The following RGS7 variants were observed in gnomAD, a reference collection of about 807,000 sequenced individuals.
The protein encoded by RGS7 is regulator of G-protein signaling 7.
RGS7 carries 27 observed loss-of-function variants against 81.1 expected under a neutral mutation model. That is an observed-to-expected ratio of 0.33 (90% CI 0.25 to 0.46). The LOEUF is 0.46. Among genes scored for constraint, RGS7 ranks in the 20% least tolerant of loss-of-function variants. The pLI, the probability that RGS7 is intolerant of heterozygous loss-of-function variation, is 1.00. For missense variants in RGS7, 396 were observed against 607.4 expected (o/e 0.65, Z 3.66); for synonymous variants, 208 against 207.7 (o/e 1.00, Z -0.01).
chr1:240,934,886 T>TTTTTTTTTTTTTTC (rs1676343622), intron 5 of RGS7, among the ~76,000 whole-genome samples: 1 of 110,532 alleles, frequency 9.0e-6, no homozygotes, highest in Non-Finnish European at 1.8e-5. Flanking sequence ...CTTTTTTTTT[T>TTTTTTTTTTTTTTC]TTTTTTTTTT....
At chr1:241,084,155 C>T (rs1303167415) in intron 3 of RGS7, among the ~76,000 whole-genome samples, 1 of 152,160 alleles carries the variant, frequency 6.6e-6, no homozygotes, top group African/African-American at 2.4e-5. Context: ...TGTACGACTG[C>T]CCCTGTGACA....
At chr1:241,018,379 C>T (rs1426535799) in intron 3 of RGS7, among the ~76,000 whole-genome samples, 1 of 151,962 alleles carries the variant, frequency 6.6e-6, no homozygotes, top group African/African-American at 2.4e-5. Context: ...GTAAAAGGGA[C>T]TCAGGTAAAT....
At chr1:241,006,356 C>T (rs556040143) in intron 3 of RGS7, among the ~76,000 whole-genome samples, 57 of 152,274 alleles carry the variant, frequency 3.7e-4, no homozygotes, top group African/African-American at 1.2e-3. Flanking sequence ...AGGCAAATCC[C>T]TCTTCATCTT....
chr1:241,325,776 T>G (rs1386861434), intron 2 of RGS7, among the ~76,000 whole-genome samples: 1 of 152,042 alleles, frequency 6.6e-6, no homozygotes, highest in Non-Finnish European at 1.5e-5. Context: ...TCAGTTATCA[T>G]CAAATATTGA....
At chr1:241,176,987 C>T (rs1269737436) in intron 2 of RGS7, among the ~76,000 whole-genome samples, 1 of 152,178 alleles carries the variant, frequency 6.6e-6, no homozygotes, top group African/African-American at 2.4e-5. Context: ...TAAGGCCACG[C>T]ATGGAGCAAA....
intron 3 of RGS7, among the ~76,000 whole-genome samples, chr1:241,063,143 A>G (rs960087724): frequency 6.6e-6 from 1 of 152,250 alleles, no homozygotes; most frequent in Non-Finnish European, 1.5e-5. Context: ...CAGTTCTTCA[A>G]TGACAGTTCT....
intron 18 of RGS7, among the ~76,000 whole-genome samples, chr1:240,791,694 C>T (rs1431299851): frequency 3.3e-5 from 5 of 152,084 alleles, no homozygotes; most frequent in South Asian, 4.1e-4. Flanking sequence ...GTTGATGACC[C>T]AGGGCTGTCT....
intron 2 of RGS7, among the ~76,000 whole-genome samples, chr1:241,182,648 C>CTTTTTTT (rs34005010): frequency 8.5e-6 from 1 of 118,182 alleles, no homozygotes; most frequent in African/African-American, 3.1e-5. Flanking sequence ...GCATCTCACG[C>CTTTTTTT]TTTTTTTTTT....
rs1553289481 is a variant in RGS7 at position 241,221,006 on chromosome 1, A to AGAGAGGAAGGAAGGAAGG, written c.79-122245_79-122244insCCTTCCTTCCTTCCTCTC. 1.2e-3 allele frequency among the ~76,000 whole-genome samples: 99 copies of AGAGAGGAAGGAAGGAAGG among 84,608 alleles called. 2 individuals are homozygous for AGAGAGGAAGGAAGGAAGG. The highest frequency in any genetic ancestry group is 3.9e-3 in the African/African-American group (98 of 24,974). The allele number at this position is 84,608 out of a possible 152,430, so 55.5% of individuals were successfully genotyped here. Reference sequence around the variant, plus strand: ...GGAAGGAAGGAAGGAAGAGAGAGAGAAAGGAAGGAAGGAAGGAAGGAAGGA... The same window carrying AGAGAGGAAGGAAGGAAGG: ...GGAAGGAAGGAAGGAAGAGAGAGAGAGAGAGGAAGGAAGGAAGGAAGGAAGGAAGGAAGGAAGGAAGGA... On this transcript the variant is annotated intron_variant, in intron 2 of 18. Transcript: ENST00000440928.
intron 6 of RGS7, 48 bp downstream of exon 6, chr1:240,930,669 C>A: frequency 6.5e-7 from 1 of 1,544,904 alleles, no homozygotes; most frequent in Non-Finnish European, 9.0e-7. Flanking sequence ...ACACATCCAT[C>A]TACACATACA....
chr1:240,822,843 TGTAC>T (rs1166821885), intron 10 of RGS7, among the ~76,000 whole-genome samples: 1 of 152,256 alleles, frequency 6.6e-6, no homozygotes, highest in African/African-American at 2.4e-5. Context: ...GTAACTACAC[TGTAC>T]TGTTTAATTT....
At chr1:240,883,511 T>C (rs527481742) in intron 6 of RGS7, among the ~76,000 whole-genome samples, 1 of 152,284 alleles carries the variant, frequency 6.6e-6, no homozygotes, top group South Asian at 2.1e-4. Context: ...TAAATCCTCA[T>C]TATTTGCTGA....
At chr1:241,327,094 GAAAGAAAGAA>G (rs1364139192) in intron 2 of RGS7, among the ~76,000 whole-genome samples, 16 of 61,306 alleles carry the variant, frequency 2.6e-4, no homozygotes, top group African/African-American at 1.1e-3. Flanking sequence ...AAGAAAGAAA[GAAAGAAAGAA>G]AGAAAGAAAG....
chr1:241,196,112 G>C (rs1292925072), intron 2 of RGS7, among the ~76,000 whole-genome samples: 2 of 152,006 alleles, frequency 1.3e-5, no homozygotes, highest in African/African-American at 4.8e-5. Flanking sequence ...AGAAAAAAGT[G>C]TATTAACTTC....
chr1:240,808,868 C>T (rs1572185738), intron 14 of RGS7, among the ~76,000 whole-genome samples: 2 of 126,372 alleles, frequency 1.6e-5, no homozygotes, highest in African/African-American at 5.7e-5. Flanking sequence ...GAGAAAGATC[C>T]CATCTCTCTT....
chr1:240,944,965 C>G (rs928567262), intron 4 of RGS7, among the ~76,000 whole-genome samples: 2 of 152,172 alleles, frequency 1.3e-5, no homozygotes, highest in African/African-American at 4.8e-5. Flanking sequence ...CCTGCCTCGG[C>G]CTTCCCAAGC....
chr1:240,841,001 T>G (rs1035685423), intron 9 of RGS7, among the ~76,000 whole-genome samples: 6 of 152,206 alleles, frequency 3.9e-5, no homozygotes, highest in Non-Finnish European at 7.3e-5. Context: ...ACTTAACCTC[T>G]TGGCCGACTG....
chr1:240,804,469 A>C (rs937830474), intron 15 of RGS7, among the ~76,000 whole-genome samples: 22 of 152,268 alleles, frequency 1.4e-4, no homozygotes, highest in African/African-American at 5.1e-4. Context: ...CACAAAAAAA[A>C]CTAGAATTAA....
intron 3 of RGS7, among the ~76,000 whole-genome samples, chr1:241,070,858 C>T (rs2062399951): frequency 6.6e-6 from 1 of 152,178 alleles, no homozygotes; most frequent in African/African-American, 2.4e-5. Context: ...ACCATAAGAA[C>T]ATGACTCAAA....
Sources: allele counts gnomAD v4.1 joint callset (sites outside exome capture counted in the v4.1 genomes callset), GRCh38; gene constraint gnomAD v4.1.1; transcripts MANE v1.5; gene names NCBI Gene and HGNC (gene_info 2026-07-23, HGNC 2026-07-21).